The following DNAH11 variants were observed in gnomAD, a reference collection of about 807,000 sequenced individuals.
The protein encoded by DNAH11 is dynein axonemal heavy chain 11.
In DNAH11, 442 loss-of-function variants were observed where a neutral mutation model predicts 526.0. That is an observed-to-expected ratio of 0.84 (90% confidence interval 0.78 to 0.91). The LOEUF is 0.91. Ranked by LOEUF, DNAH11 falls within the 40% of genes least tolerant of loss-of-function variation. The pLI is 0.00. For synonymous variants in DNAH11, 2,461 were observed against 1,935.9 expected (o/e 1.27, Z -7.12); for missense variants, 6,989 against 5,448.7 (o/e 1.28, Z -8.90).
chr7:21,723,160 C>T (rs1006128907), intron 44 of DNAH11, among the ~76,000 whole-genome samples: 2 of 152,148 alleles, frequency 1.3e-5, no homozygotes, highest in Admixed American at 6.5e-5. Context: ...TCAGGATAGC[C>T]ACTTGGTAGC....
At chr7:21,671,006 A>C (rs1782621810) in intron 30 of DNAH11, among the ~76,000 whole-genome samples, 1 of 152,080 alleles carries the variant, frequency 6.6e-6, no homozygotes, top group African/African-American at 2.4e-5. Context: ...CCAGATTTTG[A>C]AATCAGGGTA....
At chr7:21,776,586 G>C (rs978485293) in intron 56 of DNAH11, among the ~76,000 whole-genome samples, 15 of 152,186 alleles carry the variant, frequency 9.9e-5, no homozygotes, top group African/African-American at 3.6e-4. Context: ...CTAGATGTCA[G>C]CTTAGGTCAT....
In DNAH11 at chr7:21,618,949, G is replaced by T. The variant is rs1465158471; in HGVS notation, c.4255-151G>T. The T allele has an allele frequency of 6.9e-6, 7 of 1,017,990 alleles. No homozygotes were observed. In the East Asian group the frequency reaches 1.9e-4, roughly 28 times the overall value. 63.1% of individuals were successfully genotyped at this position (1,017,990 alleles called of 1,614,324 possible). On this transcript the variant is annotated intron_variant, in intron 23 of 81. Transcript: ENST00000409508. ...CAGGAATTGTGAGTTAAAAAGGAGT[G>T]TCTTAGATTCTCCACGTATTTCAAG...
intron 73 of DNAH11, among the ~76,000 whole-genome samples, chr7:21,869,718 C>G (rs564329396): frequency 3.9e-4 from 59 of 152,348 alleles, no homozygotes; most frequent in Middle Eastern, 3.4e-3. Flanking sequence ...CAATCATTAT[C>G]TCATACAAGT....
intron 25 of DNAH11, among the ~76,000 whole-genome samples, chr7:21,633,618 A>G (rs1786722202): frequency 6.6e-6 from 1 of 152,210 alleles, no homozygotes; most frequent in Non-Finnish European, 1.5e-5. Flanking sequence ...TACAGGCTCC[A>G]GGTATGATAC....
intron 7 of DNAH11, 109 bp downstream of exon 7, chr7:21,570,408 C>T: frequency 1.2e-6 from 1 of 861,244 alleles, no homozygotes; most frequent in Non-Finnish European, 1.7e-6. Context: ...GTGGAGGTCT[C>T]CTTTCTCAGT....
intron 45 of DNAH11, among the ~76,000 whole-genome samples, chr7:21,727,179 C>T (rs1417461825): frequency 1.3e-5 from 2 of 151,818 alleles, no homozygotes; most frequent in Non-Finnish European, 2.9e-5. Flanking sequence ...GTGATCCGCC[C>T]ACCTCGGCCT....
At chr7:21,811,286 A>AC (rs1562560610) in intron 63 of DNAH11, among the ~76,000 whole-genome samples, 180 of 150,214 alleles carry the variant, frequency 1.2e-3, no homozygotes, top group African/African-American at 4.3e-3. Context: ...AACATGGTGA[A>AC]ACCCCCCCCC....
chr7:21,842,936 G>A (rs1223089614), intron 66 of DNAH11, among the ~76,000 whole-genome samples, 188 bp downstream of exon 66: 2 of 152,160 alleles, frequency 1.3e-5, no homozygotes, highest in Non-Finnish European at 2.9e-5. Flanking sequence ...AGATTGTTAC[G>A]GTTATGCCAC....
At chr7:21,646,180 C>G (rs1312346102) in intron 28 of DNAH11, among the ~76,000 whole-genome samples, 3 of 152,090 alleles carry the variant, frequency 2.0e-5, no homozygotes, top group African/African-American at 7.2e-5. Flanking sequence ...AAAGGTTGCT[C>G]AATTTCAGAA....
At chr7:21,784,599 G>T (rs1788093959) in intron 58 of DNAH11, 59 bp downstream of exon 58, 2 of 1,242,222 alleles carry the variant, frequency 1.6e-6, no homozygotes, top group African/African-American at 1.5e-5. Flanking sequence ...GGTTATTAGA[G>T]TTTGAATAAC....
At position 21,896,020 on chromosome 7, in the gene DNAH11, C is replaced by T. The variant is rs376002176; in HGVS notation, c.13049+1021C>T. On this transcript the variant is annotated intron_variant, in intron 79 of 81. Transcript: ENST00000409508. Reference sequence around the variant, plus strand: ...CTGGGATTACAGGCATGAGCCACCGCGCCTGGCCCACACTTTTGATTTTTC... The same window carrying T: ...CTGGGATTACAGGCATGAGCCACCGTGCCTGGCCCACACTTTTGATTTTTC... Among the ~76,000 whole-genome samples, 118 of 152,320 alleles carry T rather than the reference C, an allele frequency of 7.7e-4. 5 individuals are homozygous for T. The South Asian group carries it at 0.023, about 29-fold the overall frequency.
At chr7:21,734,802 T>A (rs1052570797) in intron 45 of DNAH11, among the ~76,000 whole-genome samples, 13 of 147,464 alleles carry the variant, frequency 8.8e-5, no homozygotes, top group Admixed American at 4.7e-4. Context: ...AGGCTGCAGT[T>A]AGCCATCATC....
intron 55 of DNAH11, among the ~76,000 whole-genome samples, chr7:21,767,851 A>G (rs1009278962): frequency 1.1e-4 from 16 of 152,138 alleles, no homozygotes; most frequent in African/African-American, 2.9e-4. Context: ...TTTAAGACTG[A>G]AAGTTATCAG....
chr7:21,561,106 C>G lies in DNAH11; in HGVS notation c.918C>G (p.Ile306Met), dbSNP rs768492765. The change falls in exon 5 of 82, where the codon ATC becomes ATG. Residue 306 changes from isoleucine to methionine, a missense_variant. Ile to Met is a conservative substitution (Grantham distance 10, BLOSUM62 1). Transcript: ENST00000409508. ...QAPVVLKMVK[I>M]LTTKQSSYFP... ...CTGTTGTCCTCAAAATGGTTAAGATCCTGACAACTAAACAAAGCAGCTATT... is the reference window on the plus strand; with the variant it reads ...CTGTTGTCCTCAAAATGGTTAAGATGCTGACAACTAAACAAAGCAGCTATT... 1.2e-6 allele frequency: 2 copies of G among 1,604,400 alleles called. No individual in the cohort carries two copies. Among genetic ancestry groups the G allele is most frequent in the Admixed American group, 3.4e-5 (2 of 58,896 alleles).
intron 54 of DNAH11, among the ~76,000 whole-genome samples, chr7:21,760,607 T>C (rs1483567088): frequency 6.6e-6 from 1 of 152,192 alleles, no homozygotes; most frequent in African/African-American, 2.4e-5. Context: ...TATGCACACA[T>C]TTTTGATGGG....
At chr7:21,758,194 C>G (rs975469555) in intron 54 of DNAH11, among the ~76,000 whole-genome samples, 1 of 152,192 alleles carries the variant, frequency 6.6e-6, no homozygotes, top group African/African-American at 2.4e-5. Context: ...GACCACATCG[C>G]TCTGGATACA....
intron 61 of DNAH11, among the ~76,000 whole-genome samples, chr7:21,790,081 A>T (rs1788410189): frequency 6.6e-6 from 1 of 151,748 alleles, no homozygotes; most frequent in Non-Finnish European, 1.5e-5. Flanking sequence ...CTTAGGTAGA[A>T]CTGTGGGGAT....
intron 30 of DNAH11, among the ~76,000 whole-genome samples, chr7:21,664,088 C>G (rs557267111): frequency 6.6e-6 from 1 of 150,992 alleles, no homozygotes; most frequent in East Asian, 1.9e-4. Flanking sequence ...ATTTACATAC[C>G]CAATTCATCA....
Sources: allele counts gnomAD v4.1 joint callset (sites outside exome capture counted in the v4.1 genomes callset), GRCh38; gene constraint gnomAD v4.1.1; transcripts MANE v1.5; gene names NCBI Gene and HGNC (gene_info 2026-07-23, HGNC 2026-07-21).